The following PCCB variants were observed in gnomAD, a reference collection of about 807,000 sequenced individuals.
PCCB encodes propionyl-CoA carboxylase subunit beta, also known as propionyl-CoA carboxylase beta chain, mitochondrial.
A neutral mutation model predicts 60.7 loss-of-function variants in PCCB; 43 were observed. The ratio of observed to expected loss-of-function variants is 0.71; its 90% confidence interval spans 0.55 to 0.91. The LOEUF (loss-of-function observed/expected upper bound fraction) is 0.91. PCCB is among the 40% of genes least tolerant of loss of function. The pLI is 0.00. For synonymous variants in PCCB, 276 were observed against 255.9 expected, an observed-to-expected ratio of 1.08 and a Z score of -0.75; for missense variants, 766 against 702.8, an observed-to-expected ratio of 1.09 and a Z score of -1.02.
At chr3:136,308,802 A>T (rs1272978632) in intron 9 of PCCB, among the ~76,000 whole-genome samples, 1 of 152,236 alleles carries the variant, frequency 6.6e-6, no homozygotes, top group African/African-American at 2.4e-5. Context: ...CCAGCCGGGA[A>T]ATAAATCTTC....
intron 10 of PCCB, among the ~76,000 whole-genome samples, chr3:136,318,913 T>TAGAA (rs1935010004): frequency 6.6e-6 from 1 of 152,214 alleles, no homozygotes. Flanking sequence ...AGTTTTCACT[T>TAGAA]TTTCTGGGTG....
At chr3:136,312,547 T>G (rs1934710077) in intron 9 of PCCB, among the ~76,000 whole-genome samples, 1 of 152,220 alleles carries the variant, frequency 6.6e-6, no homozygotes, top group South Asian at 2.1e-4. Flanking sequence ...GGCAACTGAC[T>G]AGCCATTTAG....
At chr3:136,263,254 GT>G (rs137942280) in intron 5 of PCCB, among the ~76,000 whole-genome samples, 23 of 125,934 alleles carry the variant, frequency 1.8e-4, no homozygotes, top group African/African-American at 6.4e-4. Context: ...CGCCCAGCTG[GT>G]TTTTTTTTTT....
chr3:136,268,541 G>A (rs1300131134), intron 5 of PCCB, among the ~76,000 whole-genome samples: 8 of 149,074 alleles, frequency 5.4e-5, no homozygotes, highest in African/African-American at 2.0e-4. Context: ...TCAGCTCACT[G>A]CAACCTCCAC....
chr3:136,324,185 A>G (rs942941015), intron 10 of PCCB, among the ~76,000 whole-genome samples: 13 of 151,908 alleles, frequency 8.6e-5, no homozygotes, highest in African/African-American at 3.1e-4. Context: ...TCCTTAAGAG[A>G]TTCTCCCAAA....
chr3:136,266,501 A>G (rs918142579), intron 5 of PCCB, among the ~76,000 whole-genome samples: 3 of 152,092 alleles, frequency 2.0e-5, no homozygotes, highest in African/African-American at 7.2e-5. Context: ...AGCTCACTGC[A>G]GCCTCGACCT....
intron 3 of PCCB, among the ~76,000 whole-genome samples, chr3:136,258,728 C>A (rs1429913088): frequency 6.6e-6 from 1 of 152,144 alleles, no homozygotes; most frequent in African/African-American, 2.4e-5. Context: ...TAGAACCCTT[C>A]TGGTTAATTT....
intron 8 of PCCB, among the ~76,000 whole-genome samples, chr3:136,300,582 C>T (rs887437421): frequency 6.6e-6 from 1 of 152,172 alleles, no homozygotes; most frequent in African/African-American, 2.4e-5. Context: ...GCAGATTAAC[C>T]TAACAGGGAA....
chr3:136,263,327 A>G (rs1941881527), intron 5 of PCCB, among the ~76,000 whole-genome samples: 1 of 142,196 alleles, frequency 7.0e-6, no homozygotes, highest in Non-Finnish European at 1.5e-5. Context: ...ATGCAGTGGC[A>G]TGATCTCTGC....
intron 5 of PCCB, among the ~76,000 whole-genome samples, chr3:136,280,509 C>A (rs917050157): frequency 4.6e-5 from 7 of 152,120 alleles, no homozygotes; most frequent in Non-Finnish European, 4.4e-5. Flanking sequence ...CCATGCCTAG[C>A]TAATTTTTGT....
intron 5 of PCCB, among the ~76,000 whole-genome samples, chr3:136,273,462 A>C (rs1942250012): frequency 6.6e-6 from 1 of 151,774 alleles, no homozygotes; most frequent in African/African-American, 2.4e-5. Context: ...TCCTAGGTCT[A>C]GTAGTAATTG....
intron 9 of PCCB, among the ~76,000 whole-genome samples, chr3:136,312,251 A>G (rs1359609622): frequency 6.6e-6 from 1 of 152,248 alleles, no homozygotes; most frequent in Non-Finnish European, 1.5e-5. Context: ...CCTAGATGGT[A>G]TAACCTATTA....
Position 136,307,631 on chromosome 3 carries a change from TA to T in PCCB, c.966+6529del, listed in dbSNP as rs71157372. ...TGTGGGTAATGATAAAGGGGAAAAA[TA>T]AAAAAAAAGGTAAAAGACAATAAAT... On this transcript the variant is annotated intron_variant, in intron 9 of 14. Transcript: ENST00000251654. Among the ~76,000 whole-genome samples the T allele has an allele frequency of 5.1e-3, 757 of 147,322 alleles. 5 individuals carry two copies. Among genetic ancestry groups the T allele is most frequent in the Non-Finnish European group, 6.7e-3 (448 of 66,556 alleles).
At chr3:136,290,277 GA>G (rs1933614709) in intron 6 of PCCB, among the ~76,000 whole-genome samples, 2 of 152,082 alleles carry the variant, frequency 1.3e-5, no homozygotes, top group Non-Finnish European at 2.9e-5. Flanking sequence ...CACTTTTGAA[GA>G]ATAATTTTGC....
intron 13 of PCCB, 67 bp downstream of exon 13, chr3:136,327,799 A>G (rs1055441383): frequency 6.3e-6 from 8 of 1,278,258 alleles, no homozygotes; most frequent in Admixed American, 1.7e-5. Flanking sequence ...AGCTCAAGGC[A>G]TAGCTGGGAA....
chr3:136,312,986 C>G (rs1450951378), intron 9 of PCCB, among the ~76,000 whole-genome samples: 2 of 152,142 alleles, frequency 1.3e-5, no homozygotes, highest in African/African-American at 2.4e-5. Context: ...TTAAACATGT[C>G]AAAAGATTTT....
chr3:136,298,792 C>T (rs1934050098), intron 8 of PCCB, among the ~76,000 whole-genome samples: 1 of 152,242 alleles, frequency 6.6e-6, no homozygotes, highest in Non-Finnish European at 1.5e-5. Context: ...TAAGCACTCA[C>T]TTGGCCTGGA....
At chr3:136,252,524 G>T in intron 1 of PCCB, 3 of 322,834 alleles carry the variant, frequency 9.3e-6, no homozygotes, top group Non-Finnish European at 1.8e-5. Flanking sequence ...TGGGATGACA[G>T]AATTTTTTTT....
At chr3:136,254,465 C>T (rs1189810037) in intron 1 of PCCB, among the ~76,000 whole-genome samples, 1 of 148,922 alleles carries the variant, frequency 6.7e-6, no homozygotes, top group Non-Finnish European at 1.5e-5. Flanking sequence ...CATGATCCGC[C>T]TGCCTTGGCC....
Sources: allele counts gnomAD v4.1 joint callset (sites outside exome capture counted in the v4.1 genomes callset), GRCh38; gene constraint gnomAD v4.1.1; transcripts MANE v1.5; gene names NCBI Gene and HGNC (gene_info 2026-07-23, HGNC 2026-07-21).